The following DYSF variants were observed in gnomAD, a reference collection of about 807,000 sequenced individuals.
DYSF encodes the protein dystrophy-associated fer-1-like 1.
A neutral mutation model predicts 274.9 loss-of-function variants in DYSF; 212 were observed. The ratio of observed to expected loss-of-function variants is 0.77; its 90% CI spans 0.69 to 0.86. DYSF has a LOEUF of 0.86. Ranked by LOEUF, DYSF falls within the 40% of genes least tolerant of loss-of-function variation. The pLI, the probability that DYSF is intolerant of heterozygous loss-of-function variation, is 0.00. For synonymous variants in DYSF, 1,091 were observed against 1,078.7 expected (o/e 1.01, Z -0.22); for missense variants, 2,666 against 2,783.2 (o/e 0.96, Z 0.95).
At chr2:71,453,595 C>T (rs567565767) in exon 1 of DYSF, 1 of 326,428 alleles carries the variant, frequency 3.1e-6, no homozygotes, top group South Asian at 2.6e-5. Context: ...GCCGGGCGCC[C>T]GGAGCCCTAG....
chr2:71,478,250 C>T (rs182029705), intron 1 of DYSF, among the ~76,000 whole-genome samples: 1,595 of 148,604 alleles, frequency 0.011, 25 homozygotes, highest in African/African-American at 0.037. Flanking sequence ...CTCACTCTGT[C>T]GCCCAGGCTG....
upstream of DYSF, among the ~76,000 whole-genome samples, chr2:71,464,009 C>G (rs1348897898): frequency 5.9e-5 from 9 of 152,084 alleles, no homozygotes; most frequent in Admixed American, 5.9e-4. Flanking sequence ...CTAGAGAAGG[C>G]GTTGTGATGA....
rs114239132 is a variant in DYSF at position 71,599,018 on chromosome 2, G to A, written c.3756+273G>A. ...CTTGGGTTTTCTCTGCCTCTGCCTC[G>A]CCTGTGTGATCCCAGGCCAGTCCCT... is the stretch of plus-strand genomic sequence containing the variant. On this transcript the variant is annotated intron_variant, in intron 33 of 55. Coordinates refer to ENST00000410020, the MANE Select transcript of DYSF (RefSeq NM_001130987.2). Among the ~76,000 whole-genome samples the A allele has an allele frequency of 0.015, 2,278 of 152,312 alleles. 56 individuals carry two copies. The highest frequency in any genetic ancestry group is 0.052 in the African/African-American group (2,172 of 41,560).
chr2:71,571,405 CCAGCACACACAGATCACAGT>C (rs1428283300), intron 29 of DYSF, among the ~76,000 whole-genome samples: 18 of 130,138 alleles, frequency 1.4e-4, no homozygotes, highest in South Asian at 5.3e-4. Flanking sequence ...CAGATCACAC[CCAGCACACACAGATCACAGT>C]CAGCACACAC....
chr2:71,598,831 G>T, intron 33 of DYSF, 86 bp downstream of exon 33: 1 of 1,508,116 alleles, frequency 6.6e-7, no homozygotes. Context: ...TGGCTGCCCA[G>T]CCAGATGGGT....
chr2:71,546,961 T>C (rs115669437), intron 17 of DYSF, among the ~76,000 whole-genome samples: 250 of 152,334 alleles, frequency 1.6e-3, no homozygotes, highest in African/African-American at 5.8e-3. Flanking sequence ...GAGGTCCTGC[T>C]GTCTATCTCC....
intron 32 of DYSF, among the ~76,000 whole-genome samples, chr2:71,598,098 A>G (rs2093450269): frequency 6.6e-6 from 1 of 152,246 alleles, no homozygotes; most frequent in African/African-American, 2.4e-5. Context: ...GCTCTGACCC[A>G]AATTGTAATT....
At chr2:71,453,924 G>C in exon 1 of DYSF, 3 of 1,452,988 alleles carry the variant, frequency 2.1e-6, no homozygotes, top group Non-Finnish European at 2.9e-6. Flanking sequence ...GGACCCACAA[G>C]CGGCGCCTCG....
At chr2:71,490,172 C>T (rs1387601913) in intron 3 of DYSF, among the ~76,000 whole-genome samples, 63 of 151,818 alleles carry the variant, frequency 4.1e-4, no homozygotes, top group Non-Finnish European at 7.4e-5. Flanking sequence ...TTTAAAACAA[C>T]CAAAAAATTT....
chr2:71,513,470 G>C (rs746717855), intron 6 of DYSF, 138 bp downstream of exon 6: 1 of 959,644 alleles, frequency 1.0e-6, no homozygotes. Context: ...GAGGGCTAGG[G>C]CCATTCTGTT....
At chr2:71,591,012 A>AGACACT (rs1220998898) in intron 32 of DYSF, among the ~76,000 whole-genome samples, 1 of 152,154 alleles carries the variant, frequency 6.6e-6, no homozygotes, top group Admixed American at 6.5e-5. Flanking sequence ...TTTCAAGTAT[A>AGACACT]GACACTGACA....
intron 32 of DYSF, among the ~76,000 whole-genome samples, chr2:71,598,216 G>T (rs2093453174): frequency 6.6e-6 from 1 of 152,234 alleles, no homozygotes; most frequent in Non-Finnish European, 1.5e-5. Context: ...CATGCTTGCT[G>T]GATGAATGAA....
At chr2:71,657,820 A>T (rs1209770252) in intron 43 of DYSF, among the ~76,000 whole-genome samples, 1 of 152,056 alleles carries the variant, frequency 6.6e-6, no homozygotes, top group East Asian at 1.9e-4. Flanking sequence ...CCGGCCCACA[A>T]AACCACTTTT....
intron 30 of DYSF, chr2:71,588,679 GT>G (rs925559769): frequency 6.6e-6 from 1 of 152,416 alleles, no homozygotes; most frequent in African/African-American, 2.4e-5. Context: ...AGTAGAGACC[GT>G]TTTATTACTT....
At chr2:71,464,782 C>T (rs1194578114), upstream of DYSF, among the ~76,000 whole-genome samples, 1 of 152,096 alleles carries the variant, frequency 6.6e-6, no homozygotes, top group African/African-American at 2.4e-5. Flanking sequence ...TGAGGATAGA[C>T]CATGGGGACA....
In DYSF at chr2:71,634,949, G is replaced by A. The variant is rs187551851; in HGVS notation, c.4528-9016G>A. Among the ~76,000 whole-genome samples the A allele has an allele frequency of 2.7e-3, 406 of 152,266 alleles. 2 individuals are homozygous for A. The highest frequency in any genetic ancestry group is 0.02 in the Middle Eastern group (6 of 294). ...ACTTTCAAGCCCTACAGGGAGTGGG[G>A]CACCATTAAGCAGCTCTCCCATGAC... On this transcript the variant is annotated intron_variant, in intron 41 of 55. Coordinates refer to ENST00000410020, the MANE Select transcript of DYSF (RefSeq NM_001130987.2).
Position 71,551,690 on chromosome 2 carries a change from C to T in DYSF, c.1776C>T (p.Asp592=), listed in dbSNP as rs199554105. 5 of 1,610,514 alleles carry T rather than the reference C, an allele frequency of 3.1e-6. No individual in the cohort carries two copies. The highest frequency in any genetic ancestry group is 2.2e-5 in the East Asian group (1 of 44,742). ...AGCACAGTGAACAGAAGGTGGAGGA[C>T]CTTCCTGCGGATGACATCCTCCGGG... ...LVEHSEQKVE[D]LPADDILRVE... Residue 592 remains aspartate (D), a synonymous_variant, in exon 19 of 56, where the codon GAC becomes GAT. Coordinates refer to ENST00000410020, the MANE Select transcript of DYSF (RefSeq NM_001130987.2).
intron 1 of DYSF, among the ~76,000 whole-genome samples, chr2:71,470,179 C>G (rs902751555): frequency 1.3e-5 from 2 of 152,154 alleles, no homozygotes; most frequent in Admixed American, 6.5e-5. Flanking sequence ...CCTCCTCCAG[C>G]CTCCCCCTCC....
At chr2:71,562,694 G>A (rs1051961554) in intron 23 of DYSF, among the ~76,000 whole-genome samples, 1 of 152,208 alleles carries the variant, frequency 6.6e-6, no homozygotes, top group Non-Finnish European at 1.5e-5. Context: ...AGAAGGGCAG[G>A]GCCAGGAGAG....
Sources: gnomAD v4.1 joint callset for allele counts (sites outside exome capture counted in the v4.1 genomes callset) on GRCh38, gnomAD v4.1.1 for gene constraint, MANE v1.5 for transcripts, NCBI Gene and HGNC (gene_info 2026-07-23, HGNC 2026-07-21) for gene names.